Variants in PTPRD observed in about 807,000 individuals in gnomAD.
PTPRD encodes the protein receptor-type tyrosine-protein phosphatase delta.
In PTPRD, 34 loss-of-function variants were observed where a neutral mutation model predicts 214.5. The observed-to-expected ratio is 0.16, with a 90% CI of 0.12 to 0.21. The LOEUF is 0.21. Ranked by LOEUF, PTPRD falls within the 10% of genes least tolerant of loss-of-function variation. The pLI, the probability that PTPRD is intolerant of heterozygous loss-of-function variation, is 1.00. For missense variants in PTPRD, 2,545 were observed against 2,398.7 expected, an observed-to-expected ratio of 1.06 and a Z score of -1.27; for synonymous variants, 1,128 against 845.7, an observed-to-expected ratio of 1.33 and a Z score of -5.79.
At chr9:8,487,053 C>T (rs1287265022) in intron 27 of PTPRD, among the ~76,000 whole-genome samples, 1 of 152,052 alleles carries the variant, frequency 6.6e-6, no homozygotes, top group African/African-American at 2.4e-5. Context: ...TTAATTTGCA[C>T]TTTCTAACTT....
intron 7 of PTPRD, among the ~76,000 whole-genome samples, chr9:9,663,713 T>C (rs2096662101): frequency 6.6e-6 from 1 of 151,602 alleles, no homozygotes. Context: ...CACTTATTTA[T>C]TGGCAAAATT....
intron 3 of PTPRD, among the ~76,000 whole-genome samples, chr9:10,333,195 C>A (rs564111258): frequency 2.6e-5 from 4 of 151,738 alleles, no homozygotes; most frequent in African/African-American, 9.7e-5. Flanking sequence ...TCTGAGACTC[C>A]GATTAGTGCA....
chr9:9,239,072 C>T (rs1048764166), intron 9 of PTPRD, among the ~76,000 whole-genome samples: 8 of 152,040 alleles, frequency 5.3e-5, no homozygotes, highest in Admixed American at 3.9e-4. Flanking sequence ...GAAGAACTTG[C>T]AATCTCCCTG....
chr9:10,521,512 G>A (rs553698971), intron 2 of PTPRD, among the ~76,000 whole-genome samples: 4 of 152,136 alleles, frequency 2.6e-5, no homozygotes, highest in Admixed American at 2.6e-4. Context: ...GGATTTGAGA[G>A]GATTGTCTCC....
chr9:9,448,930 TG>T (rs1481018981), intron 8 of PTPRD, among the ~76,000 whole-genome samples: 2 of 152,070 alleles, frequency 1.3e-5, no homozygotes, highest in Non-Finnish European at 2.9e-5. Context: ...AAGAGAATGT[TG>T]TATCTAAAAA....
chr9:9,358,977 C>A (rs1293242382), intron 9 of PTPRD, among the ~76,000 whole-genome samples: 1 of 151,326 alleles, frequency 6.6e-6, no homozygotes, highest in African/African-American at 2.4e-5. Flanking sequence ...AGGATAAAAA[C>A]TGTCTCCTTC....
At chr9:8,760,294 G>C (rs1021314432) in intron 11 of PTPRD, among the ~76,000 whole-genome samples, 1 of 152,062 alleles carries the variant, frequency 6.6e-6, no homozygotes, top group South Asian at 2.1e-4. Flanking sequence ...TCAATCATCA[G>C]CTTTTTTCCT....
intron 5 of PTPRD, among the ~76,000 whole-genome samples, chr9:9,870,032 A>T (rs2065027599): frequency 6.6e-6 from 1 of 152,086 alleles, no homozygotes; most frequent in Non-Finnish European, 1.5e-5. Flanking sequence ...CTGTTAGGGT[A>T]GGTCCTATTG....
In PTPRD at chr9:9,096,943, C is replaced by T. The variant is rs2099784400; in HGVS notation, c.-142-78208G>A. On this transcript the variant is annotated intron_variant, in intron 10 of 45. Transcript: ENST00000381196. ...CAAATGCTGAAGTCACTGCTTTTAT[C>T]TCCCCTACCCCCTAAGTTTTGTGTT... 2.0e-5 allele frequency among the ~76,000 whole-genome samples: 3 copies of T among 152,156 alleles called. No homozygotes were observed. In the South Asian group the frequency reaches 6.2e-4, roughly 32 times the overall value.
chr9:9,543,207 T>A (rs2078014702), intron 8 of PTPRD, among the ~76,000 whole-genome samples: 2 of 151,580 alleles, frequency 1.3e-5, no homozygotes, highest in South Asian at 4.1e-4. Flanking sequence ...CATGAAAGAA[T>A]GCATATTTTA....
chr9:10,384,780 ACC>A (rs1332073558), intron 2 of PTPRD, among the ~76,000 whole-genome samples: 7 of 150,740 alleles, frequency 4.6e-5, no homozygotes, highest in Non-Finnish European at 7.4e-5. Flanking sequence ...GAAAAAAAAA[ACC>A]TCCTTCTCCA....
At chr9:9,924,210 G>A (rs1033266954) in intron 5 of PTPRD, among the ~76,000 whole-genome samples, 8 of 151,870 alleles carry the variant, frequency 5.3e-5, no homozygotes, top group Admixed American at 3.9e-4. Context: ...TCCTATGTAG[G>A]CATCATAATA....
intron 11 of PTPRD, among the ~76,000 whole-genome samples, chr9:8,926,766 G>C (rs2098898326): frequency 1.3e-5 from 2 of 152,278 alleles, no homozygotes; most frequent in South Asian, 2.1e-4. Flanking sequence ...CACTTACTGA[G>C]TGATCTCTTC....
intron 11 of PTPRD, among the ~76,000 whole-genome samples, chr9:9,008,320 C>T (rs575279811): frequency 1.8e-4 from 27 of 151,498 alleles, no homozygotes; most frequent in Non-Finnish European, 3.5e-4. Context: ...CTCCGCCTCC[C>T]CAGTTCATGT....
At chr9:8,570,213 T>TGACC (rs2090697320) in intron 14 of PTPRD, among the ~76,000 whole-genome samples, 1 of 152,126 alleles carries the variant, frequency 6.6e-6, no homozygotes, top group Non-Finnish European at 1.5e-5. Context: ...AAATTGAGAT[T>TGACC]ATTAACAGTA....
rs569832897 is a variant in PTPRD, at chr9:10,323,208, C to A, written c.-545+17755G>T. Among the ~76,000 whole-genome samples the A allele has an allele frequency of 5.8e-3, 405 of 69,794 alleles. 1 individual carries two copies. The highest frequency in any genetic ancestry group is 9.1e-3 in the Non-Finnish European group (324 of 35,652). The allele number at this position is 69,794 out of a possible 152,430, so 45.8% of individuals were successfully genotyped here. A position where few individuals can be genotyped will look rare whatever the true frequency, so the allele number is the denominator to read the frequency against. On this transcript the variant is annotated intron_variant, in intron 3 of 45. Transcript: ENST00000381196. ...CTTTTTCTTTCTTTCTTCTTCCCTC[C>A]CCTCCCCTCCCCTTCCCTTCTCTCC...
At chr9:10,228,413 G>A (rs1358699982) in intron 3 of PTPRD, among the ~76,000 whole-genome samples, 1 of 151,898 alleles carries the variant, frequency 6.6e-6, no homozygotes, top group Non-Finnish European at 1.5e-5. Context: ...CAGCCTTCAG[G>A]TTAATATTGA....
chr9:9,158,676 T>C (rs1256656521), intron 10 of PTPRD, among the ~76,000 whole-genome samples: 2 of 151,988 alleles, frequency 1.3e-5, no homozygotes, highest in African/African-American at 4.8e-5. Context: ...TCAGAAAAAT[T>C]GAAGTGGAGG....
chr9:8,406,267 G>T (rs1372266214), intron 35 of PTPRD, among the ~76,000 whole-genome samples: 1 of 152,140 alleles, frequency 6.6e-6, no homozygotes, highest in Non-Finnish European at 1.5e-5. Flanking sequence ...TGTCCTGGTG[G>T]AAGCCTTCAA....
Sources: gnomAD v4.1 joint callset for allele counts (sites outside exome capture counted in the v4.1 genomes callset) on GRCh38, gnomAD v4.1.1 for gene constraint, MANE v1.5 for transcripts, NCBI Gene and HGNC (gene_info 2026-07-23, HGNC 2026-07-21) for gene names.